Variants in ENTPD3 observed in about 807,000 individuals in gnomAD.
ENTPD3 encodes the protein ectonucleoside triphosphate diphosphohydrolase 3.
In ENTPD3, 60 loss-of-function variants were observed where a neutral mutation model predicts 51.2. The ratio of observed to expected loss-of-function variants is 1.17; its 90% CI spans 0.95 to 1.45. The LOEUF is 1.45. ENTPD3 is among the 40% of genes most tolerant of loss of function. The pLI is 0.00. For synonymous variants in ENTPD3, 221 were observed against 238.4 expected (o/e 0.93, Z 0.67); for missense variants, 593 against 641.1 (o/e 0.93, Z 0.81).
chr3:40,389,237 G>C (rs141845563), intron 2 of ENTPD3, among the ~76,000 whole-genome samples: 1 of 152,222 alleles, frequency 6.6e-6, no homozygotes, highest in African/African-American at 2.4e-5. Flanking sequence ...TTTGTTAGAG[G>C]GAAAAAATCC....
intron 3 of ENTPD3, among the ~76,000 whole-genome samples, chr3:40,393,731 C>T (rs1317813772): frequency 6.6e-6 from 1 of 152,002 alleles, no homozygotes; most frequent in East Asian, 1.9e-4. Flanking sequence ...TTAGCTGAGG[C>T]CTAAAAGAAG....
At chr3:40,408,231 C>G (rs1955548689) in intron 4 of ENTPD3, among the ~76,000 whole-genome samples, 1 of 152,166 alleles carries the variant, frequency 6.6e-6, no homozygotes, top group South Asian at 2.1e-4. Context: ...GAAATTTGAA[C>G]ACTGACAGGT....
At chr3:40,402,559 AT>A (rs1367065180) in intron 4 of ENTPD3, among the ~76,000 whole-genome samples, 1 of 151,816 alleles carries the variant, frequency 6.6e-6, no homozygotes, top group Non-Finnish European at 1.5e-5. Flanking sequence ...GAATTGTTGA[AT>A]TTTTCTTACT....
chr3:40,405,268 G>A (rs1017600034), intron 4 of ENTPD3, among the ~76,000 whole-genome samples: 1 of 152,148 alleles, frequency 6.6e-6, no homozygotes, highest in African/African-American at 2.4e-5. Context: ...CACTTTGGGA[G>A]GTGAGGCGGG....
intron 4 of ENTPD3, among the ~76,000 whole-genome samples, chr3:40,402,053 T>C (rs531038367): frequency 2.6e-5 from 4 of 152,004 alleles, no homozygotes; most frequent in African/African-American, 7.2e-5. Flanking sequence ...ACTAACAACA[T>C]TGGGTTTTTA....
At chr3:40,426,107 CTTTTTTTT>C (rs35267876) in intron 10 of ENTPD3, among the ~76,000 whole-genome samples, 1 of 112,452 alleles carries the variant, frequency 8.9e-6, no homozygotes, top group East Asian at 2.5e-4. Context: ...TTTTTCTTTT[CTTTTTTTT>C]TTTTTTTTTT....
At position 40,400,944 on chromosome 3, in the gene ENTPD3, T is replaced by C. The variant is rs769215133; in HGVS notation, c.219T>C (p.Tyr73=). 1 of 1,614,016 alleles carries C rather than the reference T, an allele frequency of 6.2e-7. No homozygotes were observed. The highest frequency in any genetic ancestry group is 2.2e-5 in the East Asian group (1 of 44,882). The change falls in exon 4 of 11, where the codon TAT becomes TAC. Residue 73 remains tyrosine, a synonymous_variant. Coordinates refer to ENST00000301825, the MANE Select transcript of ENTPD3 (RefSeq NM_001248.4). Reference sequence around the variant, plus strand: ...CTTCAAGAACCACAGTCTACGTGTATCAATGGCCAGCAGAAAAAGAGAATA... The same window carrying C: ...CTTCAAGAACCACAGTCTACGTGTACCAATGGCCAGCAGAAAAAGAGAATA... ...AGSSRTTVYV[Y]QWPAEKENNT... is the part of the protein sequence containing the mutation.
At chr3:40,413,900 A>G (rs557850932) in intron 5 of ENTPD3, among the ~76,000 whole-genome samples, 4 of 152,324 alleles carry the variant, frequency 2.6e-5, no homozygotes, top group African/African-American at 9.6e-5. Flanking sequence ...TTTTCCAAGA[A>G]GTGATAATTG....
chr3:40,403,154 A>T (rs1955409114), intron 4 of ENTPD3, among the ~76,000 whole-genome samples: 1 of 152,110 alleles, frequency 6.6e-6, no homozygotes, highest in Non-Finnish European at 1.5e-5. Context: ...AGTCTTTCTC[A>T]CCGGGAGACC....
chr3:40,394,698 G>A (rs574087893), intron 3 of ENTPD3, among the ~76,000 whole-genome samples: 1 of 152,302 alleles, frequency 6.6e-6, no homozygotes, highest in South Asian at 2.1e-4. Flanking sequence ...CCCAAATGGA[G>A]GGAAGGGATT....
At chr3:40,397,960 T>A (rs1955248957) in intron 3 of ENTPD3, among the ~76,000 whole-genome samples, 1 of 152,108 alleles carries the variant, frequency 6.6e-6, no homozygotes, top group Admixed American at 6.5e-5. Context: ...TTCATTCCCA[T>A]CCCCTCTCCC....
Position 40,427,607 on chromosome 3 carries a change from A to G in ENTPD3, c.*99A>G, listed in dbSNP as rs1956010455. Reference sequence around the variant, plus strand: ...GTGGCTGCCTTCAGGAAATACAACTAACTAAAATCAAACACCTAGGTCACG... The same window carrying G: ...GTGGCTGCCTTCAGGAAATACAACTGACTAAAATCAAACACCTAGGTCACG... On this transcript the variant is annotated 3_prime_UTR_variant, in exon 11 of 11. Coordinates refer to ENST00000301825, the MANE Select transcript of ENTPD3 (RefSeq NM_001248.4). The G allele has an allele frequency of 1.2e-6, 1 of 868,732 alleles. No homozygotes were observed. The allele number at this position is 868,732 out of a possible 1,614,324, so 53.8% of individuals were successfully genotyped here. A position where few individuals can be genotyped will look rare whatever the true frequency, so the allele number is the denominator to read the frequency against.
Position 40,423,115 on chromosome 3 carries a change from C to T in ENTPD3, c.1097C>T (p.Pro366Leu), listed in dbSNP as rs149894389. Residue 366 changes from proline (P) to leucine (L), a missense_variant, in exon 8 of 11, where the codon CCA becomes CTA. Transcript: ENST00000301825. ...DGVYQPKIKG[P>L]FVAFAGFYYT... Reference sequence around the variant, plus strand: ...GTTTATCAGCCAAAGATTAAAGGGCCATTTGTGGTAAGAGCAAAACCTTCT... The same window carrying T: ...GTTTATCAGCCAAAGATTAAAGGGCTATTTGTGGTAAGAGCAAAACCTTCT... 4 of 1,610,426 alleles carry T rather than the reference C, an allele frequency of 2.5e-6. No homozygotes were observed. The East Asian group carries it at 8.9e-5, about 36-fold the overall frequency.
At position 40,398,422 on chromosome 3, in the gene ENTPD3, G is replaced by C. The variant is rs570175066; in HGVS notation, c.169-2472G>C. Among the ~76,000 whole-genome samples the C allele has an allele frequency of 7.2e-5, 11 of 152,284 alleles. No individual in the cohort carries two copies. In the South Asian group the frequency reaches 1.5e-3, roughly 20 times the overall value. The stretch of plus-strand genomic sequence containing the variant: ...GTGGTGGTGATCAGGTCAGGAGCAG[G>C]GGGGAGGAAAGAAAGCAGACCAAGA... On this transcript the variant is annotated intron_variant, in intron 3 of 10. Transcript: ENST00000301825.
intron 3 of ENTPD3, among the ~76,000 whole-genome samples, chr3:40,398,373 C>G (rs1470952763): frequency 2.0e-5 from 3 of 152,106 alleles, no homozygotes; most frequent in Admixed American, 2.0e-4. Context: ...TGGTTCAGCA[C>G]CAGGCGTGGC....
Position 40,415,863 on chromosome 3 carries a change from G to T in ENTPD3, c.621G>T (p.Val207=). The change falls in exon 7 of 11, where the codon GTG becomes GTT. Residue 207 remains valine, a synonymous_variant. Coordinates refer to ENST00000301825, the MANE Select transcript of ENTPD3 (RefSeq NM_001248.4). ...AGAAGAACCTGTGGCACATGTGGGT[G>T]CACCCGCATGGAGTGGAAACCACGG... ...FLEKNLWHMW[V]HPHGVETTGA... 2 of 1,614,006 alleles carry T rather than the reference G, an allele frequency of 1.2e-6. No individual in the cohort carries two copies. Among genetic ancestry groups the T allele is most frequent in the Non-Finnish European group, 1.7e-6 (2 of 1,179,912 alleles).
rs576565181 is a variant in ENTPD3 at position 40,388,070 on chromosome 3, C to A, written c.13C>A (p.Leu5Met). The A allele has an allele frequency of 2.5e-6, 4 of 1,614,088 alleles. No homozygotes were observed. Among genetic ancestry groups the A allele is most frequent in the Non-Finnish European group, 3.4e-6 (4 of 1,179,980 alleles). Residue 5 changes from leucine (L) to methionine (M), a missense_variant, in exon 2 of 11, where the codon CTG becomes ATG. Coordinates refer to ENST00000301825, the MANE Select transcript of ENTPD3 (RefSeq NM_001248.4). ...GCTAGGAGAAAAGATGTTCACTGTG[C>A]TGACCCGCCAACCATGTGAGCAAGC... Reference protein sequence around the residue: MFTVLTRQPCEQAGL... With the variant: MFTVMTRQPCEQAGL...
intron 5 of ENTPD3, 140 bp downstream of exon 5, chr3:40,412,102 C>A: frequency 1.1e-6 from 1 of 894,948 alleles, no homozygotes; most frequent in Non-Finnish European, 1.5e-6. Context: ...TAAATTTGGG[C>A]TTTAAAGGTT....
chr3:40,402,364 C>T (rs1294252362), intron 4 of ENTPD3, among the ~76,000 whole-genome samples: 1 of 152,074 alleles, frequency 6.6e-6, no homozygotes, highest in Non-Finnish European at 1.5e-5. Flanking sequence ...AGTGATCCAC[C>T]TGCCTCGGCC....
Sources: gnomAD v4.1 joint callset for allele counts (sites outside exome capture counted in the v4.1 genomes callset) on GRCh38, gnomAD v4.1.1 for gene constraint, MANE v1.5 for transcripts, NCBI Gene and HGNC (gene_info 2026-07-23, HGNC 2026-07-21) for gene names.